The following SH3RF1 variants were observed in gnomAD, a reference collection of about 807,000 sequenced individuals.
SH3RF1 encodes the protein E3 ubiquitin-protein ligase SH3RF1.
A neutral mutation model predicts 74.0 loss-of-function variants in SH3RF1; 32 were observed. That is an observed-to-expected ratio of 0.43 (90% confidence interval 0.33 to 0.58). The LOEUF (loss-of-function observed/expected upper bound fraction) is 0.58. Ranked by LOEUF, SH3RF1 falls within the 20% of genes least tolerant of loss-of-function variation. The pLI is 0.05. For synonymous variants in SH3RF1, 396 were observed against 439.6 expected (o/e 0.90, Z 1.24); for missense variants, 954 against 1,130.9 (o/e 0.84, Z 2.24).
At chr4:169,234,002 A>C (rs1730785596) in intron 2 of SH3RF1, among the ~76,000 whole-genome samples, 1 of 152,106 alleles carries the variant, frequency 6.6e-6, no homozygotes, top group South Asian at 2.1e-4. Context: ...ACAGCTGAAA[A>C]GCACTCCTGA....
intron 2 of SH3RF1, among the ~76,000 whole-genome samples, chr4:169,167,272 T>C (rs1734262162): frequency 6.6e-6 from 1 of 152,150 alleles, no homozygotes; most frequent in South Asian, 2.1e-4. Flanking sequence ...AATGATATAT[T>C]ATAATGCGTT....
At chr4:169,110,000 A>G (rs1733212357) in intron 10 of SH3RF1, among the ~76,000 whole-genome samples, 3 of 147,598 alleles carry the variant, frequency 2.0e-5, no homozygotes, top group African/African-American at 7.6e-5. Flanking sequence ...TGATAGAGGG[A>G]TACCCTGTAG....
At chr4:169,214,458 C>T (rs1730429879) in intron 2 of SH3RF1, among the ~76,000 whole-genome samples, 1 of 152,156 alleles carries the variant, frequency 6.6e-6, no homozygotes, top group South Asian at 2.1e-4. Flanking sequence ...ACTAAAACAT[C>T]CACAAAACAA....
At chr4:169,255,240 G>C (rs962059748) in intron 2 of SH3RF1, among the ~76,000 whole-genome samples, 9 of 151,982 alleles carry the variant, frequency 5.9e-5, no homozygotes, top group African/African-American at 1.7e-4. Context: ...ATCAGTACGT[G>C]AATATTTTAA....
At chr4:169,150,224 A>G (rs1226151584) in intron 4 of SH3RF1, among the ~76,000 whole-genome samples, 3 of 152,218 alleles carry the variant, frequency 2.0e-5, no homozygotes, top group South Asian at 2.1e-4. Context: ...ACGTCAATAA[A>G]CTTATTTTAA....
At chr4:169,161,961 C>T (rs1209858282) in intron 2 of SH3RF1, among the ~76,000 whole-genome samples, 1 of 152,064 alleles carries the variant, frequency 6.6e-6, no homozygotes, top group Non-Finnish European at 1.5e-5. Flanking sequence ...AGGCGGATCA[C>T]TTAAGTCTAG....
At chr4:169,157,130 T>C (rs1388739376) in intron 2 of SH3RF1, among the ~76,000 whole-genome samples, 1 of 152,266 alleles carries the variant, frequency 6.6e-6, no homozygotes, top group Non-Finnish European at 1.5e-5. Context: ...ATTAATTTAC[T>C]AAACTGCTTT....
intron 4 of SH3RF1, among the ~76,000 whole-genome samples, chr4:169,152,861 T>C (rs1360524588): frequency 6.6e-6 from 1 of 152,230 alleles, no homozygotes; most frequent in East Asian, 1.9e-4. Flanking sequence ...AAAAGGATAG[T>C]TGAGGACAGG....
chr4:169,201,097 A>G (rs1734899953), intron 2 of SH3RF1, among the ~76,000 whole-genome samples: 2 of 152,198 alleles, frequency 1.3e-5, no homozygotes, highest in Admixed American at 6.5e-5. Context: ...TGGCAATTTG[A>G]AAAAAACCTT....
intron 2 of SH3RF1, among the ~76,000 whole-genome samples, chr4:169,209,843 G>A (rs1276478632): frequency 6.6e-6 from 1 of 152,046 alleles, no homozygotes; most frequent in Non-Finnish European, 1.5e-5. Flanking sequence ...AGGCTGGAGT[G>A]CAATGACACA....
chr4:169,175,923 G>T (rs1023199498), intron 2 of SH3RF1, among the ~76,000 whole-genome samples: 1 of 152,200 alleles, frequency 6.6e-6, no homozygotes, highest in East Asian at 1.9e-4. Context: ...GTATGAGAGT[G>T]GAACCACAGG....
At chr4:169,212,471 T>C (rs1289338128) in intron 2 of SH3RF1, among the ~76,000 whole-genome samples, 2 of 152,194 alleles carry the variant, frequency 1.3e-5, no homozygotes, top group Non-Finnish European at 2.9e-5. Context: ...CCAGGACTTT[T>C]TAATATTTAA....
Position 169,218,149 on chromosome 4 carries a change from G to A in SH3RF1, c.393+50671C>T, listed in dbSNP as rs993300166. 2.1e-5 allele frequency among the ~76,000 whole-genome samples: 3 copies of A among 146,090 alleles called. No individual in the cohort carries two copies. The East Asian group carries it at 5.9e-4, about 29-fold the overall frequency. ...TGTGTAATATATATTATTATATATT[G>A]ATTATACATATATCAATATATGTTA... On this transcript the variant is annotated intron_variant, in intron 2 of 11. Transcript: ENST00000284637.
intron 2 of SH3RF1, among the ~76,000 whole-genome samples, chr4:169,267,863 T>C (rs926512352): frequency 2.6e-5 from 4 of 152,190 alleles, no homozygotes; most frequent in East Asian, 1.9e-4. Context: ...TCTAGATTAA[T>C]TGTTCTTTAA....
intron 2 of SH3RF1, among the ~76,000 whole-genome samples, chr4:169,250,602 G>A (rs964425047): frequency 5.3e-5 from 8 of 152,178 alleles, no homozygotes; most frequent in African/African-American, 1.9e-4. Flanking sequence ...GTACTAGGCA[G>A]TGTTCTACCT....
chr4:169,119,943 A>C (rs752457716), intron 8 of SH3RF1, among the ~76,000 whole-genome samples: 10 of 152,248 alleles, frequency 6.6e-5, no homozygotes, highest in Non-Finnish European at 1.0e-4. Context: ...CTCAGTGACC[A>C]AAAGCTGAAC....
At chr4:169,219,162 G>A (rs1309165544) in intron 2 of SH3RF1, among the ~76,000 whole-genome samples, 1 of 152,124 alleles carries the variant, frequency 6.6e-6, no homozygotes, top group Non-Finnish European at 1.5e-5. Flanking sequence ...AAGAACAGTG[G>A]AAGAAGGAAC....
At chr4:169,207,816 G>T (rs1185280321) in intron 2 of SH3RF1, among the ~76,000 whole-genome samples, 1 of 152,164 alleles carries the variant, frequency 6.6e-6, no homozygotes, top group East Asian at 1.9e-4. Context: ...CTCAGCAGAG[G>T]ACAAGAGACA....
At chr4:169,111,041 C>T (rs961774888) in intron 10 of SH3RF1, among the ~76,000 whole-genome samples, 1 of 151,862 alleles carries the variant, frequency 6.6e-6, no homozygotes, top group Non-Finnish European at 1.5e-5. Flanking sequence ...GGCGCAGTGG[C>T]TCATGCCTAT....
Sources: gnomAD v4.1 joint callset for allele counts (sites outside exome capture counted in the v4.1 genomes callset) on GRCh38, gnomAD v4.1.1 for gene constraint, MANE v1.5 for transcripts, NCBI Gene and HGNC (gene_info 2026-07-23, HGNC 2026-07-21) for gene names.